AKT3: variants seen among roughly 807,000 people sequenced by gnomAD.
AKT3 encodes the protein RAC-gamma serine/threonine-protein kinase.
Under a neutral mutation model 65.3 loss-of-function variants are expected in AKT3, and 15 were observed. That is an observed-to-expected ratio of 0.23 (90% CI 0.15 to 0.35). The LOEUF (loss-of-function observed/expected upper bound fraction) is 0.35. Ranked by LOEUF, AKT3 falls within the 10% of genes least tolerant of loss-of-function variation. The pLI is 1.00. For synonymous variants in AKT3, 206 were observed against 183.8 expected (o/e 1.12, Z -0.98); for missense variants, 243 against 576.5 (o/e 0.42, Z 5.92).
intron 11 of AKT3, among the ~76,000 whole-genome samples, chr1:243,546,455 G>C (rs1345085743): frequency 6.6e-6 from 1 of 152,112 alleles, no homozygotes; most frequent in East Asian, 1.9e-4. Flanking sequence ...ACAAGGAAAG[G>C]AAGATAAAAT....
intron 2 of AKT3, among the ~76,000 whole-genome samples, chr1:243,839,366 A>G (rs1311070421): frequency 6.6e-6 from 1 of 152,200 alleles, no homozygotes; most frequent in Non-Finnish European, 1.5e-5. Context: ...AGTATTTAAT[A>G]TATACAGAGA....
rs9428966 is a variant in AKT3, at chr1:243,504,598, T to G, written c.*651A>C. The G allele has an allele frequency of 0.35, 63,818 of 181,590 alleles. 13,968 individuals carry two copies. The highest frequency in any genetic ancestry group is 0.65 in the African/African-American group (27,412 of 42,146). 11.2% of individuals were successfully genotyped at this position (181,590 alleles called of 1,614,324 possible). On this transcript the variant is annotated 3_prime_UTR_variant, in exon 14 of 14. Coordinates refer to ENST00000673466, the MANE Select transcript of AKT3 (RefSeq NM_005465.7). ...TCGACATCCACATGTGATATGGGCTTCTTCTACAGTATCCACCAGGAATTT... is the reference window on the plus strand; with the variant it reads ...TCGACATCCACATGTGATATGGGCTGCTTCTACAGTATCCACCAGGAATTT...
At chr1:243,830,460 C>T (rs574042331) in intron 2 of AKT3, among the ~76,000 whole-genome samples, 5 of 152,130 alleles carry the variant, frequency 3.3e-5, no homozygotes, top group African/African-American at 1.2e-4. Flanking sequence ...GAGCACTTTG[C>T]TTAGAAAGAG....
intron 8 of AKT3, among the ~76,000 whole-genome samples, chr1:243,585,666 C>CTCCTTA (rs1458420391): frequency 6.6e-6 from 1 of 152,132 alleles, no homozygotes. Context: ...ATATATGGTG[C>CTCCTTA]TTCGACAGCT....
intron 1 of AKT3, among the ~76,000 whole-genome samples, chr1:243,849,662 G>A (rs1292633856): frequency 6.6e-6 from 1 of 150,850 alleles, no homozygotes; most frequent in Non-Finnish European, 1.5e-5. Context: ...GGGGAGGGGC[G>A]AGGGGAAGGA....
intron 3 of AKT3, among the ~76,000 whole-genome samples, chr1:243,675,585 A>G (rs1267052714): frequency 1.3e-5 from 2 of 152,212 alleles, no homozygotes; most frequent in East Asian, 3.8e-4. Flanking sequence ...TTTTGCTGGT[A>G]AATCACTCAA....
At chr1:243,796,937 C>G (rs1000331447) in intron 2 of AKT3, among the ~76,000 whole-genome samples, 2 of 151,870 alleles carry the variant, frequency 1.3e-5, no homozygotes, top group African/African-American at 4.8e-5. Flanking sequence ...TTTAAGAAGG[C>G]AGAAAGAATG....
intron 2 of AKT3, among the ~76,000 whole-genome samples, chr1:243,749,189 G>GTC (rs1163674658): frequency 6.6e-6 from 1 of 151,742 alleles, no homozygotes. Flanking sequence ...CATCTTATCA[G>GTC]TCTCCATCCT....
intron 6 of AKT3, among the ~76,000 whole-genome samples, chr1:243,624,246 T>C (rs1678984577): frequency 6.6e-6 from 1 of 152,168 alleles, no homozygotes; most frequent in Admixed American, 6.5e-5. Context: ...TGTTACTACA[T>C]ATAGAAGTTG....
intron 3 of AKT3, among the ~76,000 whole-genome samples, chr1:243,669,411 T>C (rs534245496): frequency 5.6e-4 from 86 of 152,258 alleles, no homozygotes; most frequent in African/African-American, 2.0e-3. Flanking sequence ...AAAGAAAGAA[T>C]GCCCGGTCTG....
At chr1:243,761,230 T>C (rs538826462) in intron 2 of AKT3, among the ~76,000 whole-genome samples, 66 of 152,328 alleles carry the variant, frequency 4.3e-4, no homozygotes, top group African/African-American at 1.5e-3. Context: ...CTTGAAATTT[T>C]CCTCAGTGAA....
At chr1:243,526,861 A>C (rs1671141280) in intron 12 of AKT3, among the ~76,000 whole-genome samples, 1 of 150,096 alleles carries the variant, frequency 6.7e-6, no homozygotes, top group African/African-American at 2.5e-5. Context: ...TGGATCTTTA[A>C]GAAAAAAAAA....
At chr1:243,539,207 C>T (rs1407463685) in intron 12 of AKT3, among the ~76,000 whole-genome samples, 1 of 152,130 alleles carries the variant, frequency 6.6e-6, no homozygotes, top group Non-Finnish European at 1.5e-5. Context: ...CAGCCAAGTC[C>T]AATCCCTCCT....
At chr1:243,838,842 G>C (rs1236020428) in intron 2 of AKT3, among the ~76,000 whole-genome samples, 1 of 152,108 alleles carries the variant, frequency 6.6e-6, no homozygotes, top group Non-Finnish European at 1.5e-5. Flanking sequence ...AAAGTTATTT[G>C]AAAGCCAAAA....
chr1:243,768,399 G>T (rs144390859), intron 2 of AKT3, among the ~76,000 whole-genome samples: 86 of 152,010 alleles, frequency 5.7e-4, no homozygotes, highest in African/African-American at 2.0e-3. Flanking sequence ...CATTTTTCAG[G>T]TCTCTGTTGA....
At chr1:243,850,288 G>A (rs1695717899), upstream of AKT3, among the ~76,000 whole-genome samples, 1 of 141,034 alleles carries the variant, frequency 7.1e-6, no homozygotes, top group East Asian at 2.2e-4. Context: ...CGCGGAGCTG[G>A]AGCGGGAGGC....
At chr1:243,757,696 A>G (rs1689224790) in intron 2 of AKT3, among the ~76,000 whole-genome samples, 1 of 152,246 alleles carries the variant, frequency 6.6e-6, no homozygotes, top group Non-Finnish European at 1.5e-5. Flanking sequence ...AAATAAAAAT[A>G]AATGCAATGT....
intron 6 of AKT3, among the ~76,000 whole-genome samples, chr1:243,628,640 G>C (rs1679367516): frequency 6.6e-6 from 1 of 152,146 alleles, no homozygotes. Context: ...GGAACCATCT[G>C]TAAAGCTACC....
intron 6 of AKT3, among the ~76,000 whole-genome samples, chr1:243,636,896 G>C (rs2147809496): frequency 6.6e-6 from 1 of 152,234 alleles, no homozygotes; most frequent in South Asian, 2.1e-4. Flanking sequence ...TTCACAAAGT[G>C]TAAGGGGCAA....
Sources: allele counts gnomAD v4.1 joint callset (sites outside exome capture counted in the v4.1 genomes callset), GRCh38; gene constraint gnomAD v4.1.1; transcripts MANE v1.5; gene names NCBI Gene and HGNC (gene_info 2026-07-23, HGNC 2026-07-21).